The following FARS2 variants were observed in gnomAD, a reference collection of about 807,000 sequenced individuals.
The protein encoded by FARS2 is phenylalanine--tRNA ligase, mitochondrial.
A neutral mutation model predicts 46.4 loss-of-function variants in FARS2; 40 were observed. That is an observed-to-expected ratio of 0.86 (90% CI 0.67 to 1.12). The LOEUF (loss-of-function observed/expected upper bound fraction) is 1.12. Among genes scored for constraint, FARS2 ranks in the 50% most tolerant of loss-of-function variants. FARS2 has a pLI of 0.00. For missense variants in FARS2, 513 were observed against 567.9 expected, an observed-to-expected ratio of 0.90 and a Z score of 0.98; for synonymous variants, 234 against 214.9, an observed-to-expected ratio of 1.09 and a Z score of -0.78.
At chr6:5,352,883 T>A (rs1002911304) in intron 1 of FARS2, among the ~76,000 whole-genome samples, 8 of 152,184 alleles carry the variant, frequency 5.3e-5, no homozygotes, top group Non-Finnish European at 1.0e-4. Flanking sequence ...TTAGCATTTC[T>A]GTCATCTCAC....
At chr6:5,609,148 G>T in intron 5 of FARS2, 1 of 746,248 alleles carries the variant, frequency 1.3e-6, no homozygotes, top group Non-Finnish European at 2.3e-6. Flanking sequence ...GTGCTTGGCT[G>T]AGTTCACAAA....
At chr6:5,344,399 C>T (rs965226264) in intron 1 of FARS2, among the ~76,000 whole-genome samples, 1 of 152,186 alleles carries the variant, frequency 6.6e-6, no homozygotes, top group Non-Finnish European at 1.5e-5. Flanking sequence ...GTCGTTGCTG[C>T]TGCTTCTCTT....
chr6:5,756,507 A>C (rs1049976760), intron 6 of FARS2, among the ~76,000 whole-genome samples: 2 of 151,780 alleles, frequency 1.3e-5, no homozygotes, highest in Non-Finnish European at 2.9e-5. Flanking sequence ...GGAGAGAGAG[A>C]GAGAGCGAGG....
chr6:5,329,762 C>T (rs1163991655), intron 1 of FARS2, among the ~76,000 whole-genome samples: 2 of 152,176 alleles, frequency 1.3e-5, no homozygotes, highest in Admixed American at 6.5e-5. Flanking sequence ...AGGAGATACA[C>T]AGGGTGAAGT....
rs139951335 is a variant in FARS2, at chr6:5,676,666, T to C, written c.1217+63346T>C. ...TAAAAGAATTATATCTGAAGTCATA[T>C]TTCTGAATGTGAGACTTTCATTTTG... is the stretch of plus-strand genomic sequence containing the variant. On this transcript the variant is annotated intron_variant, in intron 6 of 6. Coordinates refer to ENST00000274680, the MANE Select transcript of FARS2 (RefSeq NM_006567.5). 2.8e-3 allele frequency among the ~76,000 whole-genome samples: 430 copies of C among 152,380 alleles called. 5 individuals are homozygous for C. The highest frequency in any genetic ancestry group is 1.0e-2 in the African/African-American group (415 of 41,590).
chr6:5,721,327 G>A (rs1465442397), intron 6 of FARS2, among the ~76,000 whole-genome samples: 2 of 152,144 alleles, frequency 1.3e-5, no homozygotes, highest in Non-Finnish European at 2.9e-5. Context: ...TGTTAGAAAA[G>A]GGAAAAGTGT....
At chr6:5,672,694 T>G (rs1358837446) in intron 6 of FARS2, among the ~76,000 whole-genome samples, 3 of 152,168 alleles carry the variant, frequency 2.0e-5, no homozygotes, top group Non-Finnish European at 2.9e-5. Flanking sequence ...ATCTGAAGTT[T>G]CATTGTAGCT....
intron 6 of FARS2, among the ~76,000 whole-genome samples, chr6:5,660,563 C>CT (rs2150779742): frequency 6.6e-6 from 1 of 151,724 alleles, no homozygotes; most frequent in Admixed American, 6.6e-5. Context: ...TGGGGGGATC[C>CT]CCTGAGCCCA....
chr6:5,434,867 G>T (rs1202825254), intron 4 of FARS2, among the ~76,000 whole-genome samples: 1 of 152,066 alleles, frequency 6.6e-6, no homozygotes, highest in Non-Finnish European at 1.5e-5. Context: ...TCCCCTTTAA[G>T]GTTCTTATAG....
At chr6:5,349,147 A>G (rs1279840871) in intron 1 of FARS2, among the ~76,000 whole-genome samples, 1 of 152,248 alleles carries the variant, frequency 6.6e-6, no homozygotes, top group Non-Finnish European at 1.5e-5. Flanking sequence ...TCAGGATATA[A>G]GATCAACACA....
intron 5 of FARS2, among the ~76,000 whole-genome samples, chr6:5,594,215 A>C (rs1164547962): frequency 1.3e-5 from 2 of 152,144 alleles, no homozygotes; most frequent in Non-Finnish European, 2.9e-5. Flanking sequence ...GAGGAGAGGG[A>C]GCTGGTACCT....
intron 1 of FARS2, among the ~76,000 whole-genome samples, chr6:5,274,490 T>C (rs1049777786): frequency 1.3e-5 from 2 of 152,214 alleles, no homozygotes; most frequent in Non-Finnish European, 2.9e-5. Context: ...TTGTGTCATC[T>C]TCTCCCCTGC....
At chr6:5,547,232 A>G (rs1355553387) in intron 5 of FARS2, among the ~76,000 whole-genome samples, 1 of 152,136 alleles carries the variant, frequency 6.6e-6, no homozygotes, top group African/African-American at 2.4e-5. Flanking sequence ...GATTACAGGT[A>G]TGAACCACTG....
chr6:5,574,468 A>T (rs904064761), intron 5 of FARS2, among the ~76,000 whole-genome samples: 1 of 152,214 alleles, frequency 6.6e-6, no homozygotes, highest in African/African-American at 2.4e-5. Flanking sequence ...TAATAGTAGA[A>T]GGTTGAAAAC....
chr6:5,540,569 CAAA>C (rs1561697869), intron 4 of FARS2, among the ~76,000 whole-genome samples: 1 of 152,220 alleles, frequency 6.6e-6, no homozygotes, highest in Non-Finnish European at 1.5e-5. Flanking sequence ...GAGAGTGACT[CAAA>C]GAATCCACTG....
At chr6:5,604,894 G>A (rs528616372) in intron 5 of FARS2, among the ~76,000 whole-genome samples, 12 of 152,208 alleles carry the variant, frequency 7.9e-5, no homozygotes, top group African/African-American at 2.9e-4. Context: ...TGACTTTATT[G>A]GGTTTGTAAA....
rs80116761 is a variant in FARS2 at position 5,753,528 on chromosome 6, G to T, written c.1218-17763G>T. On this transcript the variant is annotated intron_variant, in intron 6 of 6. Coordinates refer to ENST00000274680, the MANE Select transcript of FARS2 (RefSeq NM_006567.5). ...GTGTCTTTTAATGAATCGCAGAAATGATCAGCTGTGGCACGGAGCTGTCAG... is the reference window on the plus strand; with the variant it reads ...GTGTCTTTTAATGAATCGCAGAAATTATCAGCTGTGGCACGGAGCTGTCAG... Among the ~76,000 whole-genome samples the T allele has an allele frequency of 1.0e-3, 159 of 151,982 alleles. 1 individual carries two copies. Among genetic ancestry groups the T allele is most frequent in the African/African-American group, 3.7e-3 (153 of 41,280 alleles).
chr6:5,678,053 G>A (rs1465644328), intron 6 of FARS2, among the ~76,000 whole-genome samples: 2 of 152,168 alleles, frequency 1.3e-5, no homozygotes, highest in African/African-American at 4.8e-5. Context: ...AAGCCTCCGA[G>A]GCTTTGAGCT....
intron 4 of FARS2, among the ~76,000 whole-genome samples, chr6:5,470,513 TATC>T (rs1395394248): frequency 2.6e-5 from 4 of 152,180 alleles, no homozygotes; most frequent in Admixed American, 2.0e-4. Flanking sequence ...ACATGTTAAG[TATC>T]ATCATTACAT....
Sources: allele counts gnomAD v4.1 joint callset (sites outside exome capture counted in the v4.1 genomes callset), GRCh38; gene constraint gnomAD v4.1.1; transcripts MANE v1.5; gene names NCBI Gene and HGNC (gene_info 2026-07-23, HGNC 2026-07-21).